EHMT1: variants seen among roughly 807,000 people sequenced by gnomAD.
The protein encoded by EHMT1 is histone-lysine N-methyltransferase EHMT1.
A neutral mutation model predicts 147.2 loss-of-function variants in EHMT1; 15 were observed. The ratio of observed to expected loss-of-function variants is 0.10; its 90% CI spans 0.07 to 0.16. The LOEUF (loss-of-function observed/expected upper bound fraction) is 0.16, where lower values mean the gene tolerates loss of function less well. Ranked by LOEUF, EHMT1 falls within the 10% of genes least tolerant of loss-of-function variation. EHMT1 has a pLI of 1.00. For synonymous variants in EHMT1, 795 were observed against 709.6 expected, an observed-to-expected ratio of 1.12 and a Z score of -1.91; for missense variants, 1,587 against 1,772.4, an observed-to-expected ratio of 0.90 and a Z score of 1.88.
At chr9:137,711,808 C>T (rs1204523172) in intron 2 of EHMT1, among the ~76,000 whole-genome samples, 3 of 152,170 alleles carry the variant, frequency 2.0e-5, no homozygotes, top group Non-Finnish European at 2.9e-5. Flanking sequence ...GGTGTTCTGG[C>T]TGGACCCATA....
chr9:137,738,171 G>T (rs1588451589), intron 4 of EHMT1, among the ~76,000 whole-genome samples: 2 of 151,390 alleles, frequency 1.3e-5, no homozygotes, highest in African/African-American at 2.4e-5. Flanking sequence ...TCCAGCCTGG[G>T]TGACAGAGTG....
At chr9:137,623,085 C>T (rs554143516) in intron 1 of EHMT1, among the ~76,000 whole-genome samples, 37 of 150,432 alleles carry the variant, frequency 2.5e-4, no homozygotes, top group Admixed American at 4.6e-4. Flanking sequence ...TGGTGGCGGC[C>T]GCCTGTAGTC....
chr9:137,657,558 T>C (rs1938598335), intron 1 of EHMT1, among the ~76,000 whole-genome samples: 1 of 151,444 alleles, frequency 6.6e-6, no homozygotes, highest in Non-Finnish European at 1.5e-5. Context: ...ATAGTAGGTG[T>C]ATTTATTTAT....
chr9:137,805,268 C>T (rs1272991056), intron 18 of EHMT1, among the ~76,000 whole-genome samples: 1 of 152,040 alleles, frequency 6.6e-6, no homozygotes, highest in African/African-American at 2.4e-5. Flanking sequence ...ATGTAAGGGT[C>T]AGTCATCTGC....
chr9:137,658,339 C>T (rs1434047708), intron 1 of EHMT1, among the ~76,000 whole-genome samples: 8 of 152,016 alleles, frequency 5.3e-5, no homozygotes, highest in East Asian at 1.9e-4. Context: ...TTAGTAGAGA[C>T]GGGGTTTCAC....
Position 137,716,101 on chromosome 9 carries a change from TG to T in EHMT1, c.86-523del, listed in dbSNP as rs1564626376. On this transcript the variant is annotated intron_variant, in intron 2 of 26. Coordinates refer to ENST00000460843, the MANE Select transcript of EHMT1 (RefSeq NM_024757.5). ...GGTGTCGTGGTGGGGGAGGAAGTTG[TG>T]GTGGTGTCATGGTGGGGGAGGAAGT... is the stretch of plus-strand genomic sequence containing the variant. Among the ~76,000 whole-genome samples the T allele has an allele frequency of 6.7e-4, 39 of 58,366 alleles. 8 individuals carry two copies. Among genetic ancestry groups the T allele is most frequent in the Non-Finnish European group, 8.8e-4 (26 of 29,592 alleles). The allele number at this position is 58,366 out of a possible 152,430, so 38.3% of individuals were successfully genotyped here.
rs187729007 is a variant in EHMT1, at chr9:137,800,764, G to A, written c.2608-116G>A. The stretch of plus-strand genomic sequence containing the variant: ...GTTGCATTCAGGTCCTGAGTGAGAC[G>A]CCTGCACGAGGGGCATGGTACCTGG... On this transcript the variant is annotated intron_variant, in intron 17 of 26. Transcript: ENST00000460843. The A allele has an allele frequency of 5.4e-4, 449 of 832,404 alleles. 1 individual carries two copies. The highest frequency in any genetic ancestry group is 4.7e-3 in the African/African-American group (280 of 59,272). 51.6% of individuals were successfully genotyped at this position (832,404 alleles called of 1,614,324 possible).
chr9:137,748,809 A>G (rs1202994842), intron 6 of EHMT1, among the ~76,000 whole-genome samples: 1 of 152,076 alleles, frequency 6.6e-6, no homozygotes, highest in Non-Finnish European at 1.5e-5. Context: ...TTTTTGAAAC[A>G]TGTTTTGTAG....
intron 1 of EHMT1, among the ~76,000 whole-genome samples, chr9:137,652,046 C>A (rs1274835572): frequency 6.6e-6 from 1 of 152,092 alleles, no homozygotes; most frequent in Non-Finnish European, 1.5e-5. Context: ...AGAGTGTACT[C>A]CTACTTATTT....
intron 1 of EHMT1, among the ~76,000 whole-genome samples, chr9:137,682,194 C>T (rs190580847): frequency 5.8e-4 from 88 of 152,208 alleles, no homozygotes; most frequent in African/African-American, 2.0e-3. Context: ...ATGATCCGCC[C>T]ACCTCAGCCT....
At chr9:137,729,298 C>A (rs764394051) in intron 4 of EHMT1, among the ~76,000 whole-genome samples, 1 of 152,144 alleles carries the variant, frequency 6.6e-6, no homozygotes, top group Non-Finnish European at 1.5e-5. Flanking sequence ...TTTAAAAATA[C>A]TTTTTATTGG....
rs915891433 is a variant in EHMT1 at position 137,834,390 on chromosome 9, C to T, written c.3582C>T (p.Asn1194=). ...VYCIDARFYG[N]VSRFINHHCE... is the part of the protein sequence containing the mutation. ...GCATCGACGCGCGGTTCTACGGGAA[C>T]GTCAGCCGGTTCATCAACCACCACT... The change falls in exon 26 of 27, where the codon AAC becomes AAT. Residue 1194 remains asparagine, a synonymous_variant. Transcript: ENST00000460843. The T allele has an allele frequency of 2.5e-6, 4 of 1,613,128 alleles. No individual in the cohort carries two copies. The highest frequency in any genetic ancestry group is 2.2e-5 in the East Asian group (1 of 44,884).
chr9:137,745,790 T>G (rs1948497702), intron 6 of EHMT1: 2 of 362,456 alleles, frequency 5.5e-6, no homozygotes, highest in Admixed American at 4.6e-5. Context: ...ATTTACAGTG[T>G]AGCACTTTGA....
chr9:137,646,373 C>T lies in EHMT1; in HGVS notation c.21+27324C>T, dbSNP rs1359957869. The T allele has an allele frequency of 2.6e-5, 26 of 985,490 alleles. No individual in the cohort carries two copies. The South Asian group carries it at 5.6e-4, about 21-fold the overall frequency. 61.0% of individuals were successfully genotyped at this position (985,490 alleles called of 1,614,324 possible). A position where few individuals can be genotyped will look rare whatever the true frequency, so the allele number is the denominator to read the frequency against. On this transcript the variant is annotated intron_variant, in intron 1 of 26. Coordinates refer to ENST00000460843, the MANE Select transcript of EHMT1 (RefSeq NM_024757.5). ...TGAGGAACATTTCAAGTTTGTGCTG[C>T]GGGCAAGAATCCTGTGACCACGGGG...
intron 19 of EHMT1, among the ~76,000 whole-genome samples, chr9:137,812,375 T>C (rs897430862): frequency 6.6e-6 from 1 of 152,214 alleles, no homozygotes; most frequent in African/African-American, 2.4e-5. Flanking sequence ...CTTGAGACCT[T>C]GATCCCATAA....
At chr9:137,698,505 A>G (rs1290863318) in intron 1 of EHMT1, among the ~76,000 whole-genome samples, 1 of 152,194 alleles carries the variant, frequency 6.6e-6, no homozygotes, top group Non-Finnish European at 1.5e-5. Flanking sequence ...AAGGATTTTT[A>G]AAGCTAGTGA....
At chr9:137,675,080 G>T (rs1234700896) in intron 1 of EHMT1, 1 of 152,342 alleles carries the variant, frequency 6.6e-6, no homozygotes, top group East Asian at 1.9e-4. Flanking sequence ...TAAGAAAGCA[G>T]GCTGGGCTGG....
chr9:137,802,614 CA>C (rs1953590292), intron 18 of EHMT1: 1 of 404,976 alleles, frequency 2.5e-6, no homozygotes. Flanking sequence ...CCTTGCCATT[CA>C]TTGTTGGCAC....
At chr9:137,641,782 A>G (rs1844506576) in intron 1 of EHMT1, among the ~76,000 whole-genome samples, 1 of 151,544 alleles carries the variant, frequency 6.6e-6, no homozygotes, top group Admixed American at 6.6e-5. Context: ...TCTGGACCCA[A>G]GGGCCTCCTT....
Sources: allele counts gnomAD v4.1 joint callset (sites outside exome capture counted in the v4.1 genomes callset), GRCh38; gene constraint gnomAD v4.1.1; transcripts MANE v1.5; gene names NCBI Gene and HGNC (gene_info 2026-07-23, HGNC 2026-07-21).